MAGI2: variants seen among roughly 807,000 people sequenced by gnomAD.
MAGI2 encodes membrane-associated guanylate kinase, WW and PDZ domain-containing protein 2.
In MAGI2, 35 loss-of-function variants were observed where a neutral mutation model predicts 133.3. The ratio of observed to expected loss-of-function variants is 0.26; its 90% CI spans 0.20 to 0.35. The LOEUF is 0.35. Among genes scored for constraint, MAGI2 ranks in the 10% least tolerant of loss-of-function variants. The probability of loss-of-function intolerance (pLI) is 1.00; values close to 1 mark genes in which losing one functional copy is unlikely to be tolerated. For synonymous variants in MAGI2, 729 were observed against 710.6 expected, an observed-to-expected ratio of 1.03 and a Z score of -0.41; for missense variants, 1,636 against 1,863.4, an observed-to-expected ratio of 0.88 and a Z score of 2.25.
At chr7:78,094,523 G>T (rs17160910) in intron 20 of MAGI2, among the ~76,000 whole-genome samples, 48,976 of 151,970 alleles carry the variant, frequency 0.32, 8,526 homozygotes, top group African/African-American at 0.46. Context: ...GTCACCAAAG[G>T]TTGGGGTACA....
At chr7:79,038,905 A>T (rs1811359875) in intron 1 of MAGI2, among the ~76,000 whole-genome samples, 1 of 152,244 alleles carries the variant, frequency 6.6e-6, no homozygotes. Context: ...TAAAAACCAC[A>T]GAGGCAGAAT....
intron 2 of MAGI2, among the ~76,000 whole-genome samples, chr7:78,982,887 GA>G (rs575508617): frequency 1.3e-5 from 2 of 151,460 alleles, no homozygotes; most frequent in African/African-American, 2.4e-5. Context: ...TTTGTTCTGT[GA>G]AAAAAAATTG....
chr7:78,141,969 A>G (rs1178377972), intron 16 of MAGI2, among the ~76,000 whole-genome samples: 3 of 152,228 alleles, frequency 2.0e-5, no homozygotes, highest in East Asian at 3.8e-4. Context: ...TTGCATAGCT[A>G]AGTACTGAGA....
chr7:78,597,658 C>T (rs1190140793), intron 3 of MAGI2, among the ~76,000 whole-genome samples: 1 of 152,154 alleles, frequency 6.6e-6, no homozygotes, highest in Non-Finnish European at 1.5e-5. Context: ...CTTATCCTTC[C>T]TGCTTTTACC....
chr7:78,224,693 A>G (rs1400959858), intron 10 of MAGI2, among the ~76,000 whole-genome samples: 1 of 134,202 alleles, frequency 7.5e-6, no homozygotes, highest in Admixed American at 7.4e-5. Flanking sequence ...CAACAACGTA[A>G]ATTTTTTTTT....
intron 2 of MAGI2, among the ~76,000 whole-genome samples, chr7:78,886,079 T>A (rs1376764743): frequency 6.6e-6 from 1 of 152,230 alleles, no homozygotes; most frequent in Non-Finnish European, 1.5e-5. Context: ...AAGCAGTCCA[T>A]GTATTTGCAT....
intron 2 of MAGI2, among the ~76,000 whole-genome samples, chr7:78,977,384 T>G (rs1197811570): frequency 1.4e-5 from 2 of 140,890 alleles, no homozygotes; most frequent in African/African-American, 2.7e-5. Flanking sequence ...ACATGCAGAA[T>G]GAAAGACAGA....
At chr7:79,019,786 C>A (rs570892975) in intron 1 of MAGI2, among the ~76,000 whole-genome samples, 5 of 152,272 alleles carry the variant, frequency 3.3e-5, no homozygotes, top group Non-Finnish European at 7.3e-5. Flanking sequence ...CTCAGGTGAT[C>A]CACCTGCCTT....
chr7:79,309,269 G>A lies in MAGI2; in HGVS notation c.301+143751C>T, dbSNP rs144848093. 3.3e-3 allele frequency among the ~76,000 whole-genome samples: 499 copies of A among 151,914 alleles called. 2 individuals carry two copies. Among genetic ancestry groups the A allele is most frequent in the African/African-American group, 0.012 (481 of 41,496 alleles). On this transcript the variant is annotated intron_variant, in intron 1 of 21. Coordinates refer to ENST00000354212, the MANE Select transcript of MAGI2 (RefSeq NM_012301.4). ...CATGCAGGATGGAAGAAGAATAAAA[G>A]GCAATACATATAGATAAATCTTTCA...
At chr7:79,115,585 C>T (rs907388945) in intron 1 of MAGI2, among the ~76,000 whole-genome samples, 17 of 152,204 alleles carry the variant, frequency 1.1e-4, no homozygotes, top group African/African-American at 4.1e-4. Context: ...CTTAGCCAGA[C>T]TTAATAAACT....
intron 20 of MAGI2, among the ~76,000 whole-genome samples, chr7:78,119,148 G>A (rs1299859816): frequency 6.6e-6 from 1 of 152,200 alleles, no homozygotes; most frequent in Non-Finnish European, 1.5e-5. Context: ...GTTGCCAGGG[G>A]TTAGTGGGGA....
intron 6 of MAGI2, among the ~76,000 whole-genome samples, chr7:78,434,916 T>C (rs1236973884): frequency 1.3e-5 from 2 of 152,166 alleles, no homozygotes; most frequent in African/African-American, 2.4e-5. Context: ...GCTGGCTGGC[T>C]GGCCATTCTA....
intron 2 of MAGI2, among the ~76,000 whole-genome samples, chr7:78,818,231 T>C (rs1789780440): frequency 6.6e-6 from 1 of 152,200 alleles, no homozygotes; most frequent in African/African-American, 2.4e-5. Flanking sequence ...TTTAAGTACC[T>C]TATATATAAC....
intron 7 of MAGI2, among the ~76,000 whole-genome samples, chr7:78,349,863 G>A (rs1791315237): frequency 1.3e-5 from 2 of 152,142 alleles, no homozygotes; most frequent in Non-Finnish European, 1.5e-5. Context: ...CAAGGATTTG[G>A]GGGTCTTACA....
intron 2 of MAGI2, among the ~76,000 whole-genome samples, chr7:78,727,822 A>G (rs950663584): frequency 2.0e-5 from 3 of 152,214 alleles, no homozygotes; most frequent in Non-Finnish European, 2.9e-5. Context: ...CTTACTTATC[A>G]AGAGGCATAT....
rs143030749 is a variant in MAGI2, at chr7:78,848,523, G to C, written c.418+158567C>G. Among the ~76,000 whole-genome samples the C allele has an allele frequency of 2.1e-3, 322 of 152,058 alleles. 1 individual carries two copies. Among genetic ancestry groups the C allele is most frequent in the Admixed American group, 3.3e-3 (51 of 15,244 alleles). On this transcript the variant is annotated intron_variant, in intron 2 of 21. Coordinates refer to ENST00000354212, the MANE Select transcript of MAGI2 (RefSeq NM_012301.4). The stretch of plus-strand genomic sequence containing the variant: ...CATGTTGTTCTCTGAAAACCTGAAA[G>C]GGACTCAACCCTGCACTTAGAATAA...
intron 1 of MAGI2, among the ~76,000 whole-genome samples, chr7:79,021,689 T>C (rs1809346520): frequency 6.6e-6 from 1 of 152,178 alleles, no homozygotes; most frequent in African/African-American, 2.4e-5. Flanking sequence ...GGAAGGGACT[T>C]GTCTTGCTTC....
chr7:79,396,105 A>C (rs1481316080), intron 1 of MAGI2, among the ~76,000 whole-genome samples: 2 of 152,120 alleles, frequency 1.3e-5, no homozygotes, highest in African/African-American at 4.8e-5. Flanking sequence ...GTTGTAATAG[A>C]CTGCTAGCAT....
intron 1 of MAGI2, among the ~76,000 whole-genome samples, chr7:79,452,388 G>A (rs1278554226): frequency 6.6e-6 from 1 of 152,174 alleles, no homozygotes; most frequent in Non-Finnish European, 1.5e-5. Context: ...ACGACCGTGA[G>A]CGGGGGAGGG....
Sources: allele counts gnomAD v4.1 joint callset (sites outside exome capture counted in the v4.1 genomes callset), GRCh38; gene constraint gnomAD v4.1.1; transcripts MANE v1.5; gene names NCBI Gene and HGNC (gene_info 2026-07-23, HGNC 2026-07-21).